The following PRDM8 variants were observed in gnomAD, a reference collection of about 807,000 sequenced individuals.
PRDM8 encodes PR/SET domain 8.
PRDM8 carries 13 observed loss-of-function variants against 46.5 expected under a neutral mutation model. The observed-to-expected ratio is 0.28, with a 90% CI of 0.18 to 0.44. PRDM8 has a LOEUF of 0.44. Among genes scored for constraint, PRDM8 ranks in the 20% least tolerant of loss-of-function variants. The probability of loss-of-function intolerance (pLI) is 1.00; values close to 1 mark genes in which losing one functional copy is unlikely to be tolerated. For missense variants in PRDM8, 998 were observed against 955.0 expected (o/e 1.04, Z -0.59); for synonymous variants, 473 against 438.4 (o/e 1.08, Z -0.98).
At chr4:80,197,990 C>G (rs1350043537) in intron 1 of PRDM8, among the ~76,000 whole-genome samples, 1 of 152,216 alleles carries the variant, frequency 6.6e-6, no homozygotes, top group Non-Finnish European at 1.5e-5. Context: ...CAATGCCTGC[C>G]TAGAGGGACG....
At chr4:80,199,761 G>A (rs1427123199) in intron 1 of PRDM8, among the ~76,000 whole-genome samples, 2 of 121,604 alleles carry the variant, frequency 1.6e-5, no homozygotes, top group African/African-American at 5.9e-5. Context: ...AATTCTGCCT[G>A]GAACTTCACC....
intron 1 of PRDM8, among the ~76,000 whole-genome samples, chr4:80,189,289 C>T (rs3796594): frequency 0.12 from 18,364 of 152,174 alleles, 1,891 homozygotes; most frequent in East Asian, 0.56. Flanking sequence ...CGTGGCACCG[C>T]GACCCTGACC....
rs1738810424 is a variant in PRDM8 at position 80,204,176 on chromosome 4, T to C, written c.*644T>C. On this transcript the variant is annotated 3_prime_UTR_variant, in exon 4 of 4. Coordinates refer to ENST00000415738, the MANE Select transcript of PRDM8 (RefSeq NM_001099403.2). ...ATGTCATCAATTATGTACATATGTA[T>C]TTTCTTTTAATACAAAGTGTAATTT... 1 of 152,672 alleles carries C rather than the reference T, an allele frequency of 6.5e-6. No individual in the cohort carries two copies. Among genetic ancestry groups the C allele is most frequent in the Non-Finnish European group, 1.5e-5 (1 of 68,044 alleles). 9.5% of individuals were successfully genotyped at this position (152,672 alleles called of 1,614,324 possible).
At chr4:80,201,248 C>A in intron 2 of PRDM8, 42 bp from the exon 3 acceptor site, 1 of 1,552,366 alleles carries the variant, frequency 6.4e-7, no homozygotes, top group Non-Finnish European at 8.9e-7. Context: ...GGTCCCTCTC[C>A]CCCTCTCCTT....
At chr4:80,199,972 G>A (rs1282589990) in intron 1 of PRDM8, 107 bp from the exon 2 acceptor site, 2 of 814,596 alleles carry the variant, frequency 2.5e-6, no homozygotes, top group African/African-American at 3.4e-5. Context: ...GCAAAAATCA[G>A]GCATGTGCAA....
upstream of PRDM8, among the ~76,000 whole-genome samples, chr4:80,192,875 A>G (rs190932720): frequency 6.6e-6 from 1 of 152,194 alleles, no homozygotes; most frequent in Admixed American, 6.5e-5. Context: ...CTCAGAGGCC[A>G]TTAAGCCAGT....
chr4:80,203,612 C>T lies in PRDM8; in HGVS notation c.*80C>T, dbSNP rs979334598. ...AGGAATAAACACGCGAGAACATCCA[C>T]CGCTTCCTTGCACCCCGAAACCCTG... On this transcript the variant is annotated 3_prime_UTR_variant, in exon 4 of 4. Transcript: ENST00000415738. 7.1e-5 allele frequency: 105 copies of T among 1,484,784 alleles called. No homozygotes were observed. Among genetic ancestry groups the T allele is most frequent in the Non-Finnish European group, 8.8e-5 (98 of 1,115,146 alleles). The allele number at this position is 1,484,784 out of a possible 1,614,324, so 92.0% of individuals were successfully genotyped here.
At chr4:80,185,876 C>T (rs1010319786) in intron 1 of PRDM8, among the ~76,000 whole-genome samples, 3 of 152,090 alleles carry the variant, frequency 2.0e-5, no homozygotes, top group Non-Finnish European at 4.4e-5. Context: ...ATTAGGAAGC[C>T]GAAAATGGTA....
rs949198519 is a variant in PRDM8, at chr4:80,203,854, C to G, written c.*322C>G. ...TTTGAATGCACGCATTTTCACTTTC[C>G]CCAAAACAAAGGTACATTTTTTAAA... On this transcript the variant is annotated 3_prime_UTR_variant, in exon 4 of 4. Transcript: ENST00000415738. The G allele has an allele frequency of 1.3e-5, 3 of 225,138 alleles. No homozygotes were observed. Among genetic ancestry groups the G allele is most frequent in the Non-Finnish European group, 1.8e-5 (2 of 113,176 alleles). The allele number at this position is 225,138 out of a possible 1,614,324, so 13.9% of individuals were successfully genotyped here. A position where few individuals can be genotyped will look rare whatever the true frequency, so the allele number is the denominator to read the frequency against.
intron 1 of PRDM8, among the ~76,000 whole-genome samples, chr4:80,199,009 TTTTTTTTTTA>T (rs1738215207): frequency 1.7e-3 from 227 of 131,572 alleles, no homozygotes; most frequent in Middle Eastern, 7.4e-3. Context: ...TTTTTTTTTT[TTTTTTTTTTA>T]GTGATAAGTC....
upstream of PRDM8, chr4:80,194,060 C>T (rs1044211433): frequency 5.5e-6 from 1 of 182,346 alleles, no homozygotes; most frequent in Admixed American, 6.5e-5. Context: ...CATTCTAATA[C>T]TCCCTAAGAA....
chr4:80,199,737 G>GTGTGTGTGTGTGTGTA (rs1553905032), intron 1 of PRDM8, among the ~76,000 whole-genome samples: 6,426 of 140,142 alleles, frequency 0.046, 197 homozygotes, highest in South Asian at 0.066. Flanking sequence ...GTGTGTGTGT[G>GTGTGTGTGTGTGTGTA]TACATATATA....
At chr4:80,187,244 T>TGCGGTGGGG in intron 1 of PRDM8, among the ~76,000 whole-genome samples, 1 of 89,924 alleles carries the variant, frequency 1.1e-5, no homozygotes, top group Non-Finnish European at 2.4e-5. Context: ...TTCTCTGCCC[T>TGCGGTGGGG]GGGGCGGGGG....
At chr4:80,191,218 C>A (rs1737516374) in intron 1 of PRDM8, among the ~76,000 whole-genome samples, 1 of 152,240 alleles carries the variant, frequency 6.6e-6, no homozygotes, top group Admixed American at 6.5e-5. Context: ...CCCCAACCTT[C>A]TTAAACACAC....
chr4:80,201,897 G>A lies in PRDM8; in HGVS notation c.452-17G>A, dbSNP rs1738494381. The A allele has an allele frequency of 3.1e-6, 5 of 1,613,316 alleles. No individual in the cohort carries two copies. The highest frequency in any genetic ancestry group is 1.7e-5 in the Admixed American group (1 of 59,962). ...GTGTGCGTGCGTGCGTGTGTGTGGT[G>A]TTTGCTCACTAAGCAGGGTCGTCCC... is the stretch of plus-strand genomic sequence containing the variant. On this transcript the variant is annotated splice_polypyrimidine_tract_variant and intron_variant, in intron 3 of 3. Coordinates refer to ENST00000415738, the MANE Select transcript of PRDM8 (RefSeq NM_001099403.2).
chr4:80,198,994 GTTTTTTTTTTTTTT>G (rs1310531623), intron 1 of PRDM8, among the ~76,000 whole-genome samples: 1 of 63,506 alleles, frequency 1.6e-5, no homozygotes, highest in Non-Finnish European at 2.4e-5. Flanking sequence ...TTTTTTTTTT[GTTTTTTTTTTTTTT>G]TTTTTTTTTT....
At position 80,197,860 on chromosome 4, in the gene PRDM8, A is replaced by G. The variant is rs1738083316; in HGVS notation, c.-3+97A>G. Reference sequence around the variant, plus strand: ...GTCTTCCGTCTCCTTATTATCCAGAAGAGAGAGAAAAATAATTCTTGAGGG... The same window carrying G: ...GTCTTCCGTCTCCTTATTATCCAGAGGAGAGAGAAAAATAATTCTTGAGGG... On this transcript the variant is annotated intron_variant, in intron 1 of 3. Transcript: ENST00000415738. 9.8e-6 allele frequency: 9 copies of G among 913,834 alleles called. No individual in the cohort carries two copies. The South Asian group carries it at 4.5e-4, about 46-fold the overall frequency. 56.6% of individuals were successfully genotyped at this position (913,834 alleles called of 1,614,324 possible). A position where few individuals can be genotyped will look rare whatever the true frequency, so the allele number is the denominator to read the frequency against.
upstream of PRDM8, chr4:80,196,699 C>T: frequency 1.1e-6 from 1 of 930,580 alleles, no homozygotes; most frequent in Non-Finnish European, 1.3e-6. Context: ...CTGCGCAGAA[C>T]GCACCAAGCA....
At position 80,203,086 on chromosome 4, in the gene PRDM8, G is replaced by T. The variant is rs866553864; in HGVS notation, c.1624G>T (p.Ala542Ser). ...VGPTRLYPAAADPLAVKLQGA... is the reference protein window; with the variant it reads ...VGPTRLYPAASDPLAVKLQGA... ...CCCCACCAGACTCTATCCCGCCGCC[G>T]CGGACCCTCTAGCGGTGAAGCTCCA... Residue 542 changes from alanine (A) to serine (S), a missense_variant, in exon 4 of 4, where the codon GCG (alanine) becomes TCG (serine). Coordinates refer to ENST00000415738, the MANE Select transcript of PRDM8 (RefSeq NM_001099403.2). 9 of 1,569,494 alleles carry T rather than the reference G, an allele frequency of 5.7e-6. No individual in the cohort carries two copies. The highest frequency in any genetic ancestry group is 1.4e-5 in the African/African-American group (1 of 72,650).
Sources: allele counts gnomAD v4.1 joint callset (sites outside exome capture counted in the v4.1 genomes callset), GRCh38; gene constraint gnomAD v4.1.1; transcripts MANE v1.5; gene names NCBI Gene and HGNC (gene_info 2026-07-23, HGNC 2026-07-21).